Variants in RBM39 observed in about 807,000 individuals in gnomAD.
RBM39 encodes RNA-binding protein 39.
A neutral mutation model predicts 79.6 loss-of-function variants in RBM39; 12 were observed. The observed-to-expected ratio is 0.15, with a 90% CI of 0.10 to 0.24. The LOEUF (loss-of-function observed/expected upper bound fraction) is 0.24, where lower values mean the gene tolerates loss of function less well. Ranked by LOEUF, RBM39 falls within the 10% of genes least tolerant of loss-of-function variation. The probability of loss-of-function intolerance (pLI) is 1.00; values close to 1 mark genes in which losing one functional copy is unlikely to be tolerated. For synonymous variants in RBM39, 185 were observed against 208.4 expected (o/e 0.89, Z 0.97); for missense variants, 243 against 653.4 (o/e 0.37, Z 6.85).
At chr20:35,714,640 G>A (rs944760212) in intron 10 of RBM39, among the ~76,000 whole-genome samples, 15 of 152,218 alleles carry the variant, frequency 9.9e-5, no homozygotes, top group South Asian at 2.1e-4. Flanking sequence ...TTGAGAACAT[G>A]GGGATTGTGG....
intron 12 of RBM39, among the ~76,000 whole-genome samples, chr20:35,712,682 G>C (rs1279277715): frequency 6.6e-6 from 1 of 151,868 alleles, no homozygotes; most frequent in Non-Finnish European, 1.5e-5. Context: ...AAGTGCCTCT[G>C]ATATTTTCTA....
Position 35,705,016 on chromosome 20 carries a change from T to C in RBM39, c.1413+209A>G, listed in dbSNP as rs1336905366. 8.5e-6 allele frequency: 5 copies of C among 590,606 alleles called. 1 individual carries two copies. Among genetic ancestry groups the C allele is most frequent in the Non-Finnish European group, 8.9e-6 (3 of 338,170 alleles). The allele number at this position is 590,606 out of a possible 1,614,324, so 36.6% of individuals were successfully genotyped here. A position where few individuals can be genotyped will look rare whatever the true frequency, so the allele number is the denominator to read the frequency against. ...TTTCATGGCAAGCTTTGAGCATTACTAGAAATCCTCTCATACCCTGATCAA... is the reference window on the plus strand; with the variant it reads ...TTTCATGGCAAGCTTTGAGCATTACCAGAAATCCTCTCATACCCTGATCAA... On this transcript the variant is annotated intron_variant, in intron 15 of 16. Coordinates refer to ENST00000253363, the MANE Select transcript of RBM39 (RefSeq NM_184234.3).
In RBM39 at chr20:35,703,901, A is replaced by G. The variant is rs2035432020; in HGVS notation, c.*580T>C. On this transcript the variant is annotated 3_prime_UTR_variant, in exon 17 of 17. Transcript: ENST00000253363. ...TGTTTGGAATTTTAAGACACACCAGAACACATAGTATTTACAAAGAAACTT... is the reference window on the plus strand; with the variant it reads ...TGTTTGGAATTTTAAGACACACCAGGACACATAGTATTTACAAAGAAACTT... 2 of 152,414 alleles carry G rather than the reference A, an allele frequency of 1.3e-5. No individual in the cohort carries two copies. The highest frequency in any genetic ancestry group is 4.8e-5 in the African/African-American group (2 of 41,456). 9.4% of individuals were successfully genotyped at this position (152,414 alleles called of 1,614,324 possible). A position where few individuals can be genotyped will look rare whatever the true frequency, so the allele number is the denominator to read the frequency against.
chr20:35,732,220 C>T, intron 3 of RBM39, 85 bp from the exon 4 acceptor site: 2 of 1,230,704 alleles, frequency 1.6e-6, no homozygotes, highest in Non-Finnish European at 2.3e-6. Flanking sequence ...ATCATTTTTT[C>T]ATCCTTTCAT....
chr20:35,734,653 AACTT>A (rs1369093488), intron 3 of RBM39: 1 of 424,178 alleles, frequency 2.4e-6, no homozygotes, highest in Non-Finnish European at 3.9e-6. Flanking sequence ...AGCTAATTTT[AACTT>A]AAGGTCTTCT....
At chr20:35,724,845 G>T in intron 7 of RBM39, 123 bp from the exon 8 acceptor site, 1 of 1,238,234 alleles carries the variant, frequency 8.1e-7, no homozygotes. Flanking sequence ...AAATCTGTAG[G>T]ACAATTCCTA....
At chr20:35,732,175 G>T in intron 3 of RBM39, 40 bp from the exon 4 acceptor site, 1 of 1,575,290 alleles carries the variant, frequency 6.3e-7, no homozygotes, top group African/African-American at 1.4e-5. Flanking sequence ...GCTGGCTTAA[G>T]AACCCACCAA....
chr20:35,729,550 C>G, intron 4 of RBM39, 23 bp from the exon 5 acceptor site: 1 of 1,607,644 alleles, frequency 6.2e-7, no homozygotes, highest in Middle Eastern at 1.7e-4. Flanking sequence ...CACAAAATTA[C>G]ACTAGTTACA....
chr20:35,734,593 C>G (rs578224584), intron 3 of RBM39: 38 of 264,946 alleles, frequency 1.4e-4, no homozygotes, highest in Middle Eastern at 1.3e-3. Context: ...ATTTACCTCT[C>G]ATAGGACCCA....
intron 4 of RBM39, among the ~76,000 whole-genome samples, chr20:35,729,854 A>AC (rs112854977): frequency 4.6e-4 from 69 of 150,356 alleles, no homozygotes; most frequent in South Asian, 8.6e-4. Flanking sequence ...AAAAAAAAAA[A>AC]AACACACACA....
chr20:35,724,268 G>A (rs762262894), intron 8 of RBM39, among the ~76,000 whole-genome samples: 6 of 151,918 alleles, frequency 3.9e-5, no homozygotes, highest in South Asian at 2.1e-4. Flanking sequence ...GGAGGTGGAG[G>A]TTGCAGTGAG....
chr20:35,725,757 G>A (rs1400224147), intron 6 of RBM39, among the ~76,000 whole-genome samples: 1 of 149,512 alleles, frequency 6.7e-6, no homozygotes, highest in Non-Finnish European at 1.5e-5. Flanking sequence ...CCGCCTCCCT[G>A]AGTTCAAGCA....
intron 8 of RBM39, among the ~76,000 whole-genome samples, chr20:35,723,548 C>T (rs1369019116): frequency 6.6e-6 from 1 of 152,180 alleles, no homozygotes; most frequent in African/African-American, 2.4e-5. Flanking sequence ...AAGCAATTCT[C>T]CTGCCTCGGC....
In RBM39 at chr20:35,722,941, A is replaced by T. The variant is rs2425101; in HGVS notation, c.688-1064T>A. ...AGAGCGAGACTCCGTCTCAAGAGAA[A>T]AAAAAAAAAAAAAGTAAGCAGGCTA... On this transcript the variant is annotated intron_variant, in intron 8 of 16. Transcript: ENST00000253363. Among the ~76,000 whole-genome samples the T allele has an allele frequency of 1.2e-3, 171 of 144,342 alleles. 2 individuals are homozygous for T. The highest frequency in any genetic ancestry group is 2.9e-4 in the Non-Finnish European group (19 of 65,766). The allele number at this position is 144,342 out of a possible 152,430, so 94.7% of individuals were successfully genotyped here.
Position 35,738,828 on chromosome 20 carries a change from G to C in RBM39, c.101+140C>G, listed in dbSNP as rs370892746. 1.5e-4 allele frequency: 112 copies of C among 742,382 alleles called. 2 individuals carry two copies. Among genetic ancestry groups the C allele is most frequent in the East Asian group, 5.9e-4 (21 of 35,434 alleles). The allele number at this position is 742,382 out of a possible 1,614,324, so 46.0% of individuals were successfully genotyped here. ...TTCCTCCAAGAGTTTGTCTCAAAAG[G>C]CAAAGAACCAATTTTCTAAAAGCAG... On this transcript the variant is annotated intron_variant, in intron 3 of 16. Transcript: ENST00000253363.
chr20:35,704,855 T>G (rs1258224084), intron 15 of RBM39, 109 bp from the exon 16 acceptor site: 2 of 851,138 alleles, frequency 2.3e-6, no homozygotes, highest in Non-Finnish European at 3.7e-6. Context: ...AACCACAAAC[T>G]GGTTTACCAT....
At chr20:35,741,740 C>T (rs1221509214) in intron 1 of RBM39, 3 of 152,948 alleles carry the variant, frequency 2.0e-5, no homozygotes, top group Non-Finnish European at 4.4e-5. Flanking sequence ...TCTACCGCGG[C>T]CTCTCGGGGG....
At chr20:35,738,222 T>C (rs574757528) in intron 3 of RBM39, among the ~76,000 whole-genome samples, 35 of 148,640 alleles carry the variant, frequency 2.4e-4, no homozygotes, top group Admixed American at 2.0e-3. Context: ...GAGCCCAGAC[T>C]GCGCCACTGC....
intron 12 of RBM39, among the ~76,000 whole-genome samples, chr20:35,712,010 T>G (rs1202983743): frequency 1.3e-5 from 2 of 152,106 alleles, no homozygotes; most frequent in Non-Finnish European, 2.9e-5. Context: ...CCAGAATTCC[T>G]TGAACCCAGG....
Sources: gnomAD v4.1 joint callset for allele counts (sites outside exome capture counted in the v4.1 genomes callset) on GRCh38, gnomAD v4.1.1 for gene constraint, MANE v1.5 for transcripts, NCBI Gene and HGNC (gene_info 2026-07-23, HGNC 2026-07-21) for gene names.